Variants in GALNT2 observed in about 807,000 individuals in gnomAD.
GALNT2 encodes the protein polypeptide N-acetylgalactosaminyltransferase 2.
In GALNT2, 31 loss-of-function variants were observed where a neutral mutation model predicts 81.4. The observed-to-expected ratio is 0.38, with a 90% CI of 0.29 to 0.51. GALNT2 has a LOEUF of 0.51. GALNT2 is among the 20% of genes least tolerant of loss of function. The pLI is 0.87. For missense variants in GALNT2, 629 were observed against 765.7 expected, an observed-to-expected ratio of 0.82 and a Z score of 2.11; for synonymous variants, 303 against 287.4, an observed-to-expected ratio of 1.05 and a Z score of -0.55.
intron 1 of GALNT2, among the ~76,000 whole-genome samples, chr1:230,106,771 G>T (rs1660557238): frequency 4.2e-5 from 2 of 47,974 alleles, no homozygotes; most frequent in South Asian, 1.4e-3. Flanking sequence ...GGGCAGTGCT[G>T]GAGTGTGTCT....
intron 1 of GALNT2, among the ~76,000 whole-genome samples, chr1:230,119,954 C>T (rs1660963330): frequency 6.6e-6 from 1 of 152,080 alleles, no homozygotes; most frequent in African/African-American, 2.4e-5. Flanking sequence ...TTCCCGGGGT[C>T]ACATTGTCTG....
chr1:230,187,174 TAACAGG>T (rs1401256431), intron 2 of GALNT2, among the ~76,000 whole-genome samples: 5 of 152,206 alleles, frequency 3.3e-5, no homozygotes, highest in Admixed American at 1.3e-4. Flanking sequence ...GAGCCAGATC[TAACAGG>T]GCAGAGCAGT....
At chr1:230,115,159 C>T (rs2102794367) in intron 1 of GALNT2, among the ~76,000 whole-genome samples, 1 of 152,210 alleles carries the variant, frequency 6.6e-6, no homozygotes, top group East Asian at 1.9e-4. Context: ...GCTCCTGCCA[C>T]CACACCCAGC....
chr1:230,078,018 T>C (rs1426150388), intron 1 of GALNT2, among the ~76,000 whole-genome samples: 1 of 151,908 alleles, frequency 6.6e-6, no homozygotes, highest in African/African-American at 2.4e-5. Flanking sequence ...GAATGCATCA[T>C]GGGCCTTGCC....
chr1:230,243,365 C>T lies in GALNT2; in HGVS notation c.667C>T (p.Leu223=). 4 of 1,612,538 alleles carry T rather than the reference C, an allele frequency of 2.5e-6. No individual in the cohort carries two copies. The highest frequency in any genetic ancestry group is 2.5e-6 in the Non-Finnish European group (3 of 1,179,870). Residue 223 remains leucine, a synonymous_variant, in exon 7 of 16, where the codon CTG becomes TTG. Transcript: ENST00000366672. The surrounding 1 kb of genome is among the most constrained non-coding windows in gnomAD (Gnocchi z 4.2). The stretch of plus-strand genomic sequence containing the variant: ...TGCCCAAGCCAAGGTCCTGACCTTC[C>T]TGGACAGTCACTGCGAGTGTAATGA... ...DAAQAKVLTF[L]DSHCECNEHW... is the part of the protein sequence containing the mutation.
At chr1:230,112,022 G>T (rs1390150895) in intron 1 of GALNT2, among the ~76,000 whole-genome samples, 1 of 152,120 alleles carries the variant, frequency 6.6e-6, no homozygotes, top group African/African-American at 2.4e-5. Context: ...TTTATTGTGG[G>T]GACATGGTGG....
chr1:230,249,045 C>A, intron 8 of GALNT2, 139 bp from the exon 9 acceptor site: 2 of 796,156 alleles, frequency 2.5e-6, no homozygotes, highest in African/African-American at 1.7e-5. Context: ...CTCTCCTCCA[C>A]ACCTTCTTTT....
At chr1:230,147,510 C>T (rs1420476662) in intron 1 of GALNT2, among the ~76,000 whole-genome samples, 1 of 152,246 alleles carries the variant, frequency 6.6e-6, no homozygotes, top group East Asian at 1.9e-4. Flanking sequence ...GCATGGCCTG[C>T]TCTGCCGTGT....
intron 1 of GALNT2, among the ~76,000 whole-genome samples, chr1:230,108,948 A>G (rs1660619043): frequency 6.6e-6 from 1 of 152,164 alleles, no homozygotes; most frequent in Non-Finnish European, 1.5e-5. Context: ...AGAATTGTTA[A>G]GTCGAGCCAT....
At chr1:230,264,972 CAA>C (rs67239229) in intron 13 of GALNT2, 16,307 of 169,530 alleles carry the variant, frequency 0.096, 273 homozygotes, top group Middle Eastern at 0.12. Context: ...CCTTCCTTTC[CAA>C]AAAAAAAAAA....
At chr1:230,273,023 TG>T (rs1226695643) in intron 14 of GALNT2, among the ~76,000 whole-genome samples, 1 of 152,126 alleles carries the variant, frequency 6.6e-6, no homozygotes, top group African/African-American at 2.4e-5. Flanking sequence ...TCTCCCGCCT[TG>T]GCCCCCAAAG....
chr1:230,167,964 C>T (rs1662666285), intron 1 of GALNT2, among the ~76,000 whole-genome samples: 1 of 151,858 alleles, frequency 6.6e-6, no homozygotes, highest in African/African-American at 2.4e-5. Flanking sequence ...CTAAAATACC[C>T]CCCCCTTTTT....
intron 1 of GALNT2, among the ~76,000 whole-genome samples, chr1:230,081,568 A>G (rs1367546553): frequency 5.9e-5 from 9 of 152,182 alleles, no homozygotes; most frequent in Admixed American, 5.9e-4. Context: ...TTGCTTTTGA[A>G]ACTGCAGATG....
At chr1:230,140,488 G>A (rs1005035213) in intron 1 of GALNT2, among the ~76,000 whole-genome samples, 2 of 152,202 alleles carry the variant, frequency 1.3e-5, no homozygotes, top group African/African-American at 4.8e-5. Context: ...GAGCACAGTG[G>A]AGCGTGACTT....
chr1:230,128,320 A>C (rs1661257764), intron 1 of GALNT2, among the ~76,000 whole-genome samples: 1 of 151,742 alleles, frequency 6.6e-6, no homozygotes, highest in African/African-American at 2.4e-5. Context: ...TGGTGTGTAC[A>C]AGGGCAGGCG....
chr1:230,162,594 A>G (rs911403540), intron 1 of GALNT2, among the ~76,000 whole-genome samples: 7 of 152,172 alleles, frequency 4.6e-5, no homozygotes, highest in African/African-American at 1.7e-4. Context: ...AGGAACCAGA[A>G]CTTGCTTTCC....
upstream of GALNT2, among the ~76,000 whole-genome samples, chr1:230,066,286 A>G (rs932220316): frequency 6.6e-6 from 1 of 152,280 alleles, no homozygotes; most frequent in African/African-American, 2.4e-5. Flanking sequence ...GGCATCACCA[A>G]GGTTACATAG....
chr1:230,248,235 T>C (rs1167677774), intron 8 of GALNT2, among the ~76,000 whole-genome samples: 1 of 152,216 alleles, frequency 6.6e-6, no homozygotes, highest in Non-Finnish European at 1.5e-5. Context: ...ATTCAAAGCA[T>C]GCAGACAAAT....
At chr1:230,101,806 A>G (rs1181131074) in intron 1 of GALNT2, among the ~76,000 whole-genome samples, 69 of 152,318 alleles carry the variant, frequency 4.5e-4, no homozygotes, top group Non-Finnish European at 2.9e-5. Flanking sequence ...AACGTATAAG[A>G]TGGCCTCCTC....
Sources: allele counts gnomAD v4.1 joint callset (sites outside exome capture counted in the v4.1 genomes callset), GRCh38; gene constraint gnomAD v4.1.1; non-coding constraint Gnocchi (gnomAD v3.1); transcripts MANE v1.5; gene names NCBI Gene and HGNC (gene_info 2026-07-23, HGNC 2026-07-21).